ARHGEF28: variants seen among roughly 807,000 people sequenced by gnomAD.
ARHGEF28 encodes the protein 190 kDa guanine nucleotide exchange factor.
Under a neutral mutation model 206.6 loss-of-function variants are expected in ARHGEF28, and 152 were observed. The observed-to-expected ratio is 0.74, with a 90% CI of 0.64 to 0.84. ARHGEF28 has a LOEUF of 0.84. Among genes scored for constraint, ARHGEF28 ranks in the 40% least tolerant of loss-of-function variants. The pLI is 0.00. For missense variants in ARHGEF28, 2,028 were observed against 2,073.2 expected, an observed-to-expected ratio of 0.98 and a Z score of 0.42; for synonymous variants, 763 against 776.4, an observed-to-expected ratio of 0.98 and a Z score of 0.29.
At chr5:73,852,285 T>C (rs561137260) in intron 13 of ARHGEF28, among the ~76,000 whole-genome samples, 1 of 152,348 alleles carries the variant, frequency 6.6e-6, no homozygotes, top group East Asian at 1.9e-4. Context: ...ATTGGTTCTG[T>C]ATGTTAGGGC....
At chr5:73,826,193 C>T (rs952472617) in intron 9 of ARHGEF28, among the ~76,000 whole-genome samples, 11 of 152,082 alleles carry the variant, frequency 7.2e-5, no homozygotes, top group Non-Finnish European at 8.8e-5. Context: ...ACAGAAGGTG[C>T]GACTGAGAGC....
intron 2 of ARHGEF28, among the ~76,000 whole-genome samples, chr5:73,701,355 G>A (rs1011308982): frequency 1.3e-5 from 2 of 152,212 alleles, no homozygotes; most frequent in Admixed American, 6.5e-5. Context: ...CCCAGGCAAA[G>A]GGGTAAAAAA....
intron 31 of ARHGEF28, chr5:73,903,078 C>G (rs1348953683): frequency 6.6e-6 from 1 of 152,232 alleles, no homozygotes; most frequent in East Asian, 1.9e-4. Context: ...ATCAGAGGGG[C>G]TGCTTACGAG....
chr5:73,680,849 A>T (rs1216412583), intron 1 of ARHGEF28, among the ~76,000 whole-genome samples: 1 of 152,082 alleles, frequency 6.6e-6, no homozygotes. Flanking sequence ...CAATAGTTTT[A>T]CTCATAAAGA....
chr5:73,671,706 A>ATATATATG (rs1561323036), intron 1 of ARHGEF28, among the ~76,000 whole-genome samples: 1 of 10,796 alleles, frequency 9.3e-5, no homozygotes, highest in African/African-American at 2.3e-4. Flanking sequence ...ATATATATAT[A>ATATATATG]TATATATATA....
At chr5:73,795,562 C>T in intron 9 of ARHGEF28, 171 bp downstream of exon 9, 1 of 579,664 alleles carries the variant, frequency 1.7e-6, no homozygotes, top group Non-Finnish European at 3.0e-6. Flanking sequence ...AATACTATGA[C>T]TCTAGAGGTT....
chr5:73,880,477 C>T (rs1396834313), intron 22 of ARHGEF28, among the ~76,000 whole-genome samples: 5 of 152,298 alleles, frequency 3.3e-5, no homozygotes, highest in East Asian at 1.9e-4. Flanking sequence ...GAGATGAACC[C>T]GGTACCTCAG....
At chr5:73,638,707 CCTT>C (rs1186098423) in intron 1 of ARHGEF28, among the ~76,000 whole-genome samples, 6 of 152,120 alleles carry the variant, frequency 3.9e-5, no homozygotes, top group African/African-American at 1.4e-4. Context: ...AACATAAAAT[CCTT>C]CTCTGCCACA....
At chr5:73,881,753 A>G (rs1335090436) in intron 22 of ARHGEF28, among the ~76,000 whole-genome samples, 1 of 152,222 alleles carries the variant, frequency 6.6e-6, no homozygotes, top group African/African-American at 2.4e-5. Context: ...TCATTCAACT[A>G]GTTCTCTTCA....
chr5:73,813,416 C>A, intron 9 of ARHGEF28: 1 of 1,344,132 alleles, frequency 7.4e-7, no homozygotes, highest in Non-Finnish European at 9.7e-7. Flanking sequence ...CCTGAATGCC[C>A]GAAGGAAGCA....
chr5:73,658,849 T>C (rs1745398233), intron 1 of ARHGEF28, among the ~76,000 whole-genome samples: 1 of 152,162 alleles, frequency 6.6e-6, no homozygotes, highest in Non-Finnish European at 1.5e-5. Flanking sequence ...TTGCATAGTA[T>C]CTGTGTTTTA....
intron 4 of ARHGEF28, among the ~76,000 whole-genome samples, chr5:73,755,253 T>G (rs1256689310): frequency 6.6e-6 from 1 of 152,076 alleles, no homozygotes; most frequent in African/African-American, 2.4e-5. Flanking sequence ...GCTAAGAAAC[T>G]TCATCTTAAG....
intron 33 of ARHGEF28, among the ~76,000 whole-genome samples, chr5:73,905,797 T>G (rs1031194311): frequency 3.9e-5 from 6 of 152,236 alleles, no homozygotes; most frequent in African/African-American, 1.4e-4. Flanking sequence ...TTAGGGTAAA[T>G]GAGAAGAATT....
chr5:73,894,662 T>C, intron 29 of ARHGEF28, 87 bp downstream of exon 29: 2 of 1,448,224 alleles, frequency 1.4e-6, no homozygotes, highest in Non-Finnish European at 1.9e-6. Flanking sequence ...GTGGTCTTGG[T>C]GCTGAGGATA....
At chr5:73,928,486 T>C (rs370460060) in intron 35 of ARHGEF28, among the ~76,000 whole-genome samples, 12 of 152,264 alleles carry the variant, frequency 7.9e-5, no homozygotes, top group African/African-American at 2.9e-4. Flanking sequence ...AGTCTGGTAA[T>C]AACATAATTA....
intron 4 of ARHGEF28, among the ~76,000 whole-genome samples, chr5:73,755,181 A>G (rs1215676341): frequency 1.3e-5 from 2 of 151,730 alleles, no homozygotes; most frequent in East Asian, 3.9e-4. Context: ...GTATATATAA[A>G]TTTATATATC....
intron 35 of ARHGEF28, chr5:73,923,111 G>T: frequency 6.5e-7 from 1 of 1,535,850 alleles, no homozygotes; most frequent in South Asian, 1.2e-5. Context: ...AAGTGCAGTT[G>T]TACGTTGACA....
chr5:73,879,408 G>A (rs1279930584), intron 22 of ARHGEF28, among the ~76,000 whole-genome samples: 1 of 152,126 alleles, frequency 6.6e-6, no homozygotes, highest in African/African-American at 2.4e-5. Context: ...ATCATCTGGA[G>A]CCTTCTTCTC....
At chr5:73,646,831 C>T (rs768901732) in intron 1 of ARHGEF28, among the ~76,000 whole-genome samples, 2 of 152,180 alleles carry the variant, frequency 1.3e-5, no homozygotes, top group East Asian at 1.9e-4. Context: ...CTAAGCAGTA[C>T]ACCTACTCAT....
Sources: gnomAD v4.1 joint callset for allele counts (sites outside exome capture counted in the v4.1 genomes callset) on GRCh38, gnomAD v4.1.1 for gene constraint, MANE v1.5 for transcripts, NCBI Gene and HGNC (gene_info 2026-07-23, HGNC 2026-07-21) for gene names.